Variants in ZNF438 observed in about 807,000 individuals in gnomAD.
The protein encoded by ZNF438 is zinc finger protein 438.
ZNF438 carries 25 observed loss-of-function variants against 38.0 expected under a neutral mutation model. The observed-to-expected ratio is 0.66, with a 90% CI of 0.48 to 0.92. ZNF438 has a LOEUF of 0.92. ZNF438 is among the 40% of genes least tolerant of loss of function. The pLI, the probability that ZNF438 is intolerant of heterozygous loss-of-function variation, is 0.00. For synonymous variants in ZNF438, 372 were observed against 364.1 expected, an observed-to-expected ratio of 1.02 and a Z score of -0.25; for missense variants, 1,007 against 999.6, an observed-to-expected ratio of 1.01 and a Z score of -0.10.
At chr10:30,950,906 G>A (rs1246227705) in intron 1 of ZNF438, among the ~76,000 whole-genome samples, 1 of 130,350 alleles carries the variant, frequency 7.7e-6, no homozygotes, top group African/African-American at 3.0e-5. Context: ...TATGAGGTCA[G>A]CATCATTCTG....
At chr10:30,921,765 T>C (rs905376692) in intron 2 of ZNF438, among the ~76,000 whole-genome samples, 3 of 152,220 alleles carry the variant, frequency 2.0e-5, no homozygotes, top group African/African-American at 7.2e-5. Context: ...GCTCTAATGC[T>C]TCTTAAGAGA....
At position 30,960,115 on chromosome 10, in the gene ZNF438, C is replaced by T. The variant is rs1419088313; in HGVS notation, c.-191-18464G>A. On this transcript the variant is annotated intron_variant, in intron 1 of 5. Transcript: ENST00000413025. Reference sequence around the variant, plus strand: ...AGTGTCTATTCTGTTCTTTTGCTCACTGTTAAGTTGGGTTGTTTGCCTTAT... The same window carrying T: ...AGTGTCTATTCTGTTCTTTTGCTCATTGTTAAGTTGGGTTGTTTGCCTTAT... 1.4e-5 allele frequency among the ~76,000 whole-genome samples: 2 copies of T among 147,198 alleles called. 1 individual carries two copies. Among genetic ancestry groups the T allele is most frequent in the African/African-American group, 4.9e-5 (2 of 41,130 alleles).
intron 4 of ZNF438, among the ~76,000 whole-genome samples, chr10:30,872,425 C>CAAAAAAAAAAAA (rs566401687): frequency 1.9e-4 from 11 of 58,696 alleles, no homozygotes; most frequent in Admixed American, 2.3e-4. Context: ...GACTCTGTCT[C>CAAAAAAAAAAAA]AAAAAAAAAA....
intron 3 of ZNF438, among the ~76,000 whole-genome samples, chr10:30,891,534 T>A (rs1251624750): frequency 6.6e-6 from 1 of 152,196 alleles, no homozygotes; most frequent in Admixed American, 6.5e-5. Context: ...CTTAAAATAA[T>A]TTAACAAATT....
chr10:30,949,094 T>C (rs914503191), intron 1 of ZNF438, among the ~76,000 whole-genome samples: 1 of 152,140 alleles, frequency 6.6e-6, no homozygotes, highest in African/African-American at 2.4e-5. Flanking sequence ...GGGGCCAATA[T>C]TCAACATTCT....
intron 1 of ZNF438, among the ~76,000 whole-genome samples, chr10:30,961,405 T>G (rs2049475669): frequency 6.8e-6 from 1 of 146,394 alleles, no homozygotes; most frequent in African/African-American, 2.4e-5. Context: ...AGGCGATCCT[T>G]CCGCCCCAGC....
At chr10:30,944,109 C>T (rs1475506249) in intron 1 of ZNF438, among the ~76,000 whole-genome samples, 1 of 152,120 alleles carries the variant, frequency 6.6e-6, no homozygotes, top group East Asian at 1.9e-4. Flanking sequence ...TAGGGCGTCA[C>T]CTAAGTTGTA....
chr10:30,845,399 G>A (rs370578945), exon 6 of ZNF438: 4 of 1,613,990 alleles, frequency 2.5e-6, no homozygotes, highest in South Asian at 1.1e-5. Flanking sequence ...TGCTTCCTGG[G>A]AAGGTCCCTT....
intron 1 of ZNF438, among the ~76,000 whole-genome samples, chr10:30,965,738 A>T (rs952227237): frequency 2.6e-5 from 4 of 152,188 alleles, no homozygotes; most frequent in Non-Finnish European, 5.9e-5. Context: ...TGGCAGCAAT[A>T]GACACCGGGG....
chr10:30,855,405 A>G (rs182891678), intron 4 of ZNF438, among the ~76,000 whole-genome samples: 229 of 152,306 alleles, frequency 1.5e-3, no homozygotes, highest in African/African-American at 5.1e-3. Context: ...ATCACAAGCT[A>G]ATCACAAAGA....
chr10:30,990,544 C>A (rs1362376696), intron 1 of ZNF438, among the ~76,000 whole-genome samples: 1 of 152,220 alleles, frequency 6.6e-6, no homozygotes, highest in African/African-American at 2.4e-5. Context: ...TTTATTATTA[C>A]AAGCCCACCA....
chr10:30,939,124 A>G (rs2046556738), intron 2 of ZNF438, among the ~76,000 whole-genome samples: 1 of 152,130 alleles, frequency 6.6e-6, no homozygotes, highest in African/African-American at 2.4e-5. Context: ...TTTTGTTCCC[A>G]CTTCCTAGCC....
At chr10:31,001,422 C>T (rs1283788655) in intron 1 of ZNF438, among the ~76,000 whole-genome samples, 1 of 152,156 alleles carries the variant, frequency 6.6e-6, no homozygotes, top group Non-Finnish European at 1.5e-5. Flanking sequence ...AGCCCACATT[C>T]TGGGGAGGCC....
At chr10:31,010,892 GAAAAAAAAAAAAA>G (rs563189482) in intron 1 of ZNF438, among the ~76,000 whole-genome samples, 28 of 92,592 alleles carry the variant, frequency 3.0e-4, no homozygotes, top group African/African-American at 3.7e-4. Context: ...GACCCTGTTT[GAAAAAAAAAAAAA>G]AAAAAAAAAA....
intron 2 of ZNF438, among the ~76,000 whole-genome samples, chr10:30,916,343 T>A (rs993003093): frequency 6.6e-6 from 1 of 152,074 alleles, no homozygotes; most frequent in South Asian, 2.1e-4. Flanking sequence ...AGAAATTAAA[T>A]GCTGAATACA....
At chr10:31,030,473 T>C (rs2133461345) in intron 1 of ZNF438, among the ~76,000 whole-genome samples, 1 of 152,346 alleles carries the variant, frequency 6.6e-6, no homozygotes, top group East Asian at 1.9e-4. Context: ...ACACTTAGCC[T>C]TTCATTTGCA....
chr10:30,884,997 T>A (rs1490302117), intron 3 of ZNF438, among the ~76,000 whole-genome samples: 3 of 152,228 alleles, frequency 2.0e-5, no homozygotes, highest in Non-Finnish European at 2.9e-5. Flanking sequence ...CTCTTGTATG[T>A]GTATGTGGCC....
At chr10:30,986,922 A>G (rs913615937) in intron 1 of ZNF438, among the ~76,000 whole-genome samples, 1 of 152,114 alleles carries the variant, frequency 6.6e-6, no homozygotes, top group Non-Finnish European at 1.5e-5. Context: ...ACAATTACAA[A>G]CCTTGGTTGA....
At chr10:30,910,013 C>T (rs960022788) in intron 2 of ZNF438, among the ~76,000 whole-genome samples, 1 of 152,176 alleles carries the variant, frequency 6.6e-6, no homozygotes, top group Non-Finnish European at 1.5e-5. Context: ...GCTAGATCTT[C>T]TTTCACATTT....
Sources: allele counts gnomAD v4.1 joint callset (sites outside exome capture counted in the v4.1 genomes callset), GRCh38; gene constraint gnomAD v4.1.1; transcripts MANE v1.5; gene names NCBI Gene and HGNC (gene_info 2026-07-23, HGNC 2026-07-21).